ZFHX3: variants seen among roughly 807,000 people sequenced by gnomAD.
ZFHX3 encodes the protein zinc finger homeobox protein 3.
In ZFHX3, 42 loss-of-function variants were observed where a neutral mutation model predicts 279.1. The observed-to-expected ratio is 0.15, with a 90% CI of 0.12 to 0.19. The LOEUF (loss-of-function observed/expected upper bound fraction) is 0.19. Among genes scored for constraint, ZFHX3 ranks in the 10% least tolerant of loss-of-function variants. The pLI, the probability that ZFHX3 is intolerant of heterozygous loss-of-function variation, is 1.00. For synonymous variants in ZFHX3, 2,293 were observed against 1,957.8 expected (o/e 1.17, Z -4.52); for missense variants, 4,981 against 4,754.0 (o/e 1.05, Z -1.40).
At chr16:73,612,352 TGAAA>T (rs2052255816) in intron 2 of ZFHX3, among the ~76,000 whole-genome samples, 5 of 152,080 alleles carry the variant, frequency 3.3e-5, no homozygotes, top group Admixed American at 2.0e-4. Context: ...TATAAACCCT[TGAAA>T]AAAGGGTTTA....
intron 5 of ZFHX3, among the ~76,000 whole-genome samples, chr16:72,823,626 C>T (rs192575641): frequency 2.0e-5 from 3 of 152,306 alleles, no homozygotes; most frequent in Non-Finnish European, 4.4e-5. Context: ...TATTAACTAG[C>T]CACAGACAAG....
intron 7 of ZFHX3, among the ~76,000 whole-genome samples, chr16:73,110,338 G>A (rs76173256): frequency 0.079 from 11,946 of 152,108 alleles, 770 homozygotes; most frequent in African/African-American, 0.18. Flanking sequence ...TGAAACAGTA[G>A]TATCTGAGTA....
intron 2 of ZFHX3, among the ~76,000 whole-genome samples, chr16:73,562,593 C>T (rs1385374350): frequency 2.9e-5 from 2 of 68,654 alleles, no homozygotes; most frequent in Non-Finnish European, 5.3e-5. Context: ...CAGACTCCGT[C>T]TCAAAAAAAA....
chr16:73,868,480 C>T (rs534978188), intron 1 of ZFHX3, among the ~76,000 whole-genome samples: 3 of 152,318 alleles, frequency 2.0e-5, no homozygotes, highest in South Asian at 2.1e-4. Context: ...GCGGAGATCA[C>T]GCCACTGCAC....
At chr16:72,911,498 C>T (rs1016622858) in intron 3 of ZFHX3, among the ~76,000 whole-genome samples, 2 of 152,008 alleles carry the variant, frequency 1.3e-5, no homozygotes, top group East Asian at 1.9e-4. Flanking sequence ...AATGCAGTGG[C>T]GAAATCAGTT....
chr16:73,247,032 T>C (rs577860585), intron 5 of ZFHX3, among the ~76,000 whole-genome samples: 14 of 152,316 alleles, frequency 9.2e-5, no homozygotes, highest in African/African-American at 3.4e-4. Context: ...GTGTATATAA[T>C]GTGCATATGT....
At chr16:73,525,651 A>G (rs2019678251) in intron 2 of ZFHX3, among the ~76,000 whole-genome samples, 1 of 152,118 alleles carries the variant, frequency 6.6e-6, no homozygotes, top group African/African-American at 2.4e-5. Flanking sequence ...ACCACCATAA[A>G]AGGTAAAAGG....
chr16:73,480,378 A>G (rs1018576358), intron 2 of ZFHX3, among the ~76,000 whole-genome samples: 1 of 152,104 alleles, frequency 6.6e-6, no homozygotes, highest in South Asian at 2.1e-4. Context: ...GCTTTCATCT[A>G]TTGAAATGGA....
chr16:73,733,532 GA>G (rs2142251751), intron 1 of ZFHX3, among the ~76,000 whole-genome samples: 1 of 152,010 alleles, frequency 6.6e-6, no homozygotes, highest in East Asian at 1.9e-4. Flanking sequence ...ATTAATTTTT[GA>G]AAAAAGACTT....
intron 3 of ZFHX3, among the ~76,000 whole-genome samples, chr16:73,329,659 G>T (rs1462813451): frequency 6.6e-6 from 1 of 152,224 alleles, no homozygotes; most frequent in African/African-American, 2.4e-5. Flanking sequence ...CAGATAGTCA[G>T]AGATAAAAAT....
chr16:73,273,261 A>G (rs2014201653), intron 4 of ZFHX3, among the ~76,000 whole-genome samples: 1 of 152,222 alleles, frequency 6.6e-6, no homozygotes, highest in Admixed American at 6.5e-5. Flanking sequence ...GCTATGGATC[A>G]TTTGAAAAAC....
chr16:73,102,278 G>C (rs919498879), intron 7 of ZFHX3, among the ~76,000 whole-genome samples: 1 of 152,134 alleles, frequency 6.6e-6, no homozygotes. Context: ...AGCTCACCTC[G>C]AGATGCCAAA....
At chr16:73,705,429 A>G (rs761269960) in intron 1 of ZFHX3, among the ~76,000 whole-genome samples, 1 of 152,214 alleles carries the variant, frequency 6.6e-6, no homozygotes, top group African/African-American at 2.4e-5. Context: ...GGAGCTGGCC[A>G]TTGGACCTTG....
chr16:72,788,288 C>G lies in ZFHX3; in HGVS notation c.9988G>C (p.Gly3330Arg), dbSNP rs755178587. ...ATGCCATACATAGGCTGCAGGTACCCGCTCTGCAGGGCGCCAGGGATCTGG... is the reference window on the plus strand; with the variant it reads ...ATGCCATACATAGGCTGCAGGTACCGGCTCTGCAGGGCGCCAGGGATCTGG... Reference protein sequence around the residue: ...APQIPGALQSGYLQPMYGMEG... With the variant: ...APQIPGALQSRYLQPMYGMEG... The change falls in exon 10 of 10, where the codon GGG (glycine) becomes CGG (arginine). Residue 3330 changes from glycine to arginine, a missense_variant. Gly to Arg is a moderately radical substitution (Grantham distance 125). Transcript: ENST00000268489. The G allele has an allele frequency of 6.2e-7, 1 of 1,614,186 alleles. No homozygotes were observed. Among genetic ancestry groups the G allele is most frequent in the East Asian group, 2.2e-5 (1 of 44,868 alleles).
At chr16:73,075,470 C>G (rs933085154) in intron 8 of ZFHX3, among the ~76,000 whole-genome samples, 1 of 152,134 alleles carries the variant, frequency 6.6e-6, no homozygotes, top group Non-Finnish European at 1.5e-5. Context: ...ACTTCTCTCT[C>G]TCATGGCAAA....
At chr16:73,482,159 A>G (rs1025139302) in intron 2 of ZFHX3, among the ~76,000 whole-genome samples, 2 of 152,128 alleles carry the variant, frequency 1.3e-5, no homozygotes, top group African/African-American at 4.8e-5. Flanking sequence ...GGGAGTGGAG[A>G]TTGGTGCTGA....
Position 73,682,906 on chromosome 16 carries a change from G to GAAAGAAAGAAAGAAAGAGAA in ZFHX3, c.-1607-2667_-1607-2666insTTCTCTTTCTTTCTTTCTTT, listed in dbSNP as rs1323501382. On this transcript the variant is annotated intron_variant, in intron 1 of 17. Coordinates refer to the ZFHX3 transcript ENST00000641206. ...AGAAAGAAAGAAAGAAAGAAAGAAAGAGAAAGAAAGAGAGAAAGAGAAAGA... is the reference window on the plus strand; with the variant it reads ...AGAAAGAAAGAAAGAAAGAAAGAAAGAAAGAAAGAAAGAAAGAGAAAGAAAGAAAGAGAGAAAGAGAAAGA... Among the ~76,000 whole-genome samples the GAAAGAAAGAAAGAAAGAGAA allele has an allele frequency of 4.7e-3, 134 of 28,700 alleles. 3 individuals carry two copies. Among genetic ancestry groups the GAAAGAAAGAAAGAAAGAGAA allele is most frequent in the African/African-American group, 0.011 (128 of 12,188 alleles). 18.8% of individuals were successfully genotyped at this position (28,700 alleles called of 152,430 possible).
At chr16:73,306,196 C>A (rs948989927) in intron 4 of ZFHX3, among the ~76,000 whole-genome samples, 1 of 152,152 alleles carries the variant, frequency 6.6e-6, no homozygotes, top group Non-Finnish European at 1.5e-5. Context: ...CAAGAGAACC[C>A]AGTCTGTTTC....
chr16:73,485,424 G>GAAA (rs796678890), intron 2 of ZFHX3, among the ~76,000 whole-genome samples: 4 of 45,206 alleles, frequency 8.8e-5, no homozygotes, highest in Non-Finnish European at 1.2e-4. Flanking sequence ...GGGTGAGGGA[G>GAAA]AAAAAAAAAA....
Sources: gnomAD v4.1 joint callset for allele counts (sites outside exome capture counted in the v4.1 genomes callset) on GRCh38, gnomAD v4.1.1 for gene constraint, MANE v1.5 for transcripts, NCBI Gene and HGNC (gene_info 2026-07-23, HGNC 2026-07-21) for gene names.